The following ACBD6 variants were observed in gnomAD, a reference collection of about 807,000 sequenced individuals.
ACBD6 encodes the protein acyl-CoA binding domain containing 6.
Under a neutral mutation model 37.2 loss-of-function variants are expected in ACBD6, and 28 were observed. The observed-to-expected ratio is 0.75, with a 90% CI of 0.56 to 1.03. The LOEUF (loss-of-function observed/expected upper bound fraction) is 1.03, where lower values mean the gene tolerates loss of function less well. Among genes scored for constraint, ACBD6 ranks in the 50% least tolerant of loss-of-function variants. The pLI is 0.00. For synonymous variants in ACBD6, 113 were observed against 126.8 expected (o/e 0.89, Z 0.73); for missense variants, 340 against 337.4 (o/e 1.01, Z -0.06).
chr1:180,378,839 C>T (rs1399443099), intron 6 of ACBD6, among the ~76,000 whole-genome samples: 1 of 152,158 alleles, frequency 6.6e-6, no homozygotes, highest in Non-Finnish European at 1.5e-5. Flanking sequence ...TCACAGCCAC[C>T]ACCACCACCA....
chr1:180,484,978 G>A (rs1651203201), intron 3 of ACBD6, among the ~76,000 whole-genome samples: 1 of 146,272 alleles, frequency 6.8e-6, no homozygotes, highest in Admixed American at 6.9e-5. Flanking sequence ...GGCTGAGGCA[G>A]AGAATTGCTT....
At chr1:180,500,855 GAGTGTCATGATGTTTTTGCTTCTCTGCAA>G (rs1221221320) in intron 1 of ACBD6, among the ~76,000 whole-genome samples, 378 of 145,966 alleles carry the variant, frequency 2.6e-3, no homozygotes, top group African/African-American at 9.0e-3. Flanking sequence ...AAAAAAAAGT[GAGTGTCATGATGTTTTTGCTTCTCTGCAA>G]AGTGTCATGA....
chr1:180,289,345 C>T (rs1053981468), intron 7 of ACBD6, among the ~76,000 whole-genome samples: 10 of 152,016 alleles, frequency 6.6e-5, no homozygotes, highest in African/African-American at 2.4e-4. Flanking sequence ...TGGCAATAAA[C>T]ATATAAAAAG....
chr1:180,461,057 C>T (rs1055216994), intron 3 of ACBD6, among the ~76,000 whole-genome samples: 1 of 152,092 alleles, frequency 6.6e-6, no homozygotes, highest in Non-Finnish European at 1.5e-5. Context: ...AAGAACACGA[C>T]CAACCTGATA....
intron 6 of ACBD6, among the ~76,000 whole-genome samples, chr1:180,393,997 C>G (rs566068175): frequency 3.3e-5 from 5 of 152,304 alleles, no homozygotes; most frequent in Admixed American, 6.5e-5. Flanking sequence ...ACAAATAGAA[C>G]GTAAGAAATC....
intron 6 of ACBD6, among the ~76,000 whole-genome samples, chr1:180,389,623 G>A (rs913353707): frequency 3.9e-5 from 6 of 152,224 alleles, no homozygotes; most frequent in African/African-American, 1.4e-4. Context: ...CACCAACAGT[G>A]TAAAAGTGTT....
chr1:180,435,819 T>C (rs1469760079), intron 3 of ACBD6: 10 of 997,962 alleles, frequency 1.0e-5, no homozygotes, highest in Middle Eastern at 3.1e-4. Flanking sequence ...TCCAGCCTGA[T>C]GGGTTTAGGA....
chr1:180,326,835 A>G (rs918714966), intron 6 of ACBD6, among the ~76,000 whole-genome samples: 1 of 152,170 alleles, frequency 6.6e-6, no homozygotes, highest in Non-Finnish European at 1.5e-5. Context: ...GGATGTGTCT[A>G]GAAATGTCAT....
intron 3 of ACBD6, among the ~76,000 whole-genome samples, chr1:180,480,975 G>A (rs1012171838): frequency 5.9e-5 from 9 of 151,452 alleles, no homozygotes; most frequent in African/African-American, 1.9e-4. Context: ...AGTCTGCAGT[G>A]AGCGGAGATC....
At chr1:180,315,079 AT>A (rs11434802) in intron 6 of ACBD6, among the ~76,000 whole-genome samples, 4 of 150,718 alleles carry the variant, frequency 2.7e-5, no homozygotes, top group Admixed American at 6.6e-5. Flanking sequence ...CAGTATTAGG[AT>A]TTTTTTTTTC....
chr1:180,502,024 A>C (rs769608757), intron 1 of ACBD6, 21 bp downstream of exon 1: 2 of 1,610,416 alleles, frequency 1.2e-6, no homozygotes, highest in Admixed American at 3.3e-5. Flanking sequence ...TCCCCCATCC[A>C]CCCTCTCCCT....
At chr1:180,444,286 C>CAAAA in intron 3 of ACBD6, among the ~76,000 whole-genome samples, 1 of 114,772 alleles carries the variant, frequency 8.7e-6, no homozygotes, top group Non-Finnish European at 1.9e-5. Context: ...TCCGTCTCTC[C>CAAAA]AAAAAAAAAA....
At chr1:180,424,705 G>GA in intron 4 of ACBD6, among the ~76,000 whole-genome samples, 1 of 152,106 alleles carries the variant, frequency 6.6e-6, no homozygotes, top group Non-Finnish European at 1.5e-5. Context: ...AGAAGAGAAA[G>GA]AAAAATTAGA....
At chr1:180,388,175 CAAAA>C (rs34156282) in intron 6 of ACBD6, among the ~76,000 whole-genome samples, 4 of 111,168 alleles carry the variant, frequency 3.6e-5, no homozygotes, top group Non-Finnish European at 7.2e-5. Flanking sequence ...GACTCCGTCT[CAAAA>C]AAAAAAAAAA....
intron 6 of ACBD6, among the ~76,000 whole-genome samples, chr1:180,346,381 T>C (rs1190824628): frequency 6.6e-6 from 1 of 152,158 alleles, no homozygotes; most frequent in Admixed American, 6.5e-5. Flanking sequence ...AAATCCAAAG[T>C]AAGCCCCAAT....
At chr1:180,381,011 G>A (rs908151979) in intron 6 of ACBD6, among the ~76,000 whole-genome samples, 7 of 152,062 alleles carry the variant, frequency 4.6e-5, no homozygotes, top group Non-Finnish European at 8.8e-5. Flanking sequence ...GCCTGAATAT[G>A]AGAGGATGAA....
At chr1:180,454,842 A>T (rs566405448) in intron 3 of ACBD6, among the ~76,000 whole-genome samples, 2 of 152,346 alleles carry the variant, frequency 1.3e-5, no homozygotes, top group East Asian at 3.9e-4. Context: ...ACCAGTTAGA[A>T]TGGTGATCAT....
At chr1:180,402,597 T>C (rs111293966) in intron 5 of ACBD6, among the ~76,000 whole-genome samples, 13 of 152,132 alleles carry the variant, frequency 8.5e-5, no homozygotes, top group African/African-American at 3.1e-4. Context: ...AGCGGGCAAG[T>C]ATGAGACCAG....
chr1:180,389,434 C>T (rs1477565285), intron 6 of ACBD6, among the ~76,000 whole-genome samples: 1 of 152,144 alleles, frequency 6.6e-6, no homozygotes, highest in African/African-American at 2.4e-5. Context: ...CAAGTCTTTG[C>T]TATTGTGAAT....
Sources: gnomAD v4.1 joint callset for allele counts (sites outside exome capture counted in the v4.1 genomes callset) on GRCh38, gnomAD v4.1.1 for gene constraint, MANE v1.5 for transcripts, NCBI Gene and HGNC (gene_info 2026-07-23, HGNC 2026-07-21) for gene names.